LCA5: variants seen among roughly 807,000 people sequenced by gnomAD.
LCA5 encodes lebercilin LCA5.
LCA5 carries 37 observed loss-of-function variants against 53.0 expected under a neutral mutation model. That is an observed-to-expected ratio of 0.70 (90% confidence interval 0.54 to 0.92). The LOEUF is 0.92. Among genes scored for constraint, LCA5 ranks in the 40% least tolerant of loss-of-function variants. The pLI is 0.00. For missense variants in LCA5, 806 were observed against 790.5 expected (o/e 1.02, Z -0.23); for synonymous variants, 303 against 282.9 (o/e 1.07, Z -0.71).
chr6:79,489,303 T>G lies in LCA5; in HGVS notation c.1099-87A>C, dbSNP rs138440067. Reference sequence around the variant, plus strand: ...CACAGATTTATCCATTAAACATGATTACCAACTAAGTTAAAAATTAATACA... The same window carrying G: ...CACAGATTTATCCATTAAACATGATGACCAACTAAGTTAAAAATTAATACA... On this transcript the variant is annotated intron_variant, in intron 6 of 7. Coordinates refer to ENST00000369846, the MANE Select transcript of LCA5 (RefSeq NM_001122769.3). 5,315 of 1,313,322 alleles carry G rather than the reference T, an allele frequency of 4.0e-3. 313 individuals carry two copies. The Admixed American group carries it at 0.093, about 23-fold the overall frequency. 81.4% of individuals were successfully genotyped at this position (1,313,322 alleles called of 1,614,324 possible). A position where few individuals can be genotyped will look rare whatever the true frequency, so the allele number is the denominator to read the frequency against.
At chr6:79,532,805 A>G (rs1308851947) in intron 1 of LCA5, among the ~76,000 whole-genome samples, 1 of 152,162 alleles carries the variant, frequency 6.6e-6, no homozygotes, top group African/African-American at 2.4e-5. Flanking sequence ...ATCCTAGTAA[A>G]TATAAGACCC....
chr6:79,524,023 T>C (rs1345508470), intron 1 of LCA5, among the ~76,000 whole-genome samples: 1 of 152,220 alleles, frequency 6.6e-6, no homozygotes, highest in Non-Finnish European at 1.5e-5. Context: ...TGCATGGTTT[T>C]TCTCTTAGAA....
chr6:79,506,145 G>A (rs769178327), intron 3 of LCA5, among the ~76,000 whole-genome samples: 58 of 152,258 alleles, frequency 3.8e-4, no homozygotes, highest in Middle Eastern at 3.4e-3. Context: ...ATACTGAGCT[G>A]TATGATGATA....
intron 3 of LCA5, among the ~76,000 whole-genome samples, chr6:79,505,111 T>C (rs1219569886): frequency 6.6e-6 from 1 of 152,190 alleles, no homozygotes; most frequent in Non-Finnish European, 1.5e-5. Flanking sequence ...GTTTTAGTGC[T>C]TGTATTACTT....
intron 3 of LCA5, among the ~76,000 whole-genome samples, chr6:79,506,594 T>C (rs548984886): frequency 3.9e-5 from 6 of 152,224 alleles, no homozygotes; most frequent in African/African-American, 1.2e-4. Context: ...AATGGTGCAG[T>C]CTTGCAGTCA....
intron 3 of LCA5, among the ~76,000 whole-genome samples, chr6:79,501,266 C>A (rs898041098): frequency 1.3e-5 from 2 of 152,038 alleles, no homozygotes; most frequent in African/African-American, 4.8e-5. Flanking sequence ...TTCGTTGGGC[C>A]TCCTATTTTT....
At chr6:79,511,253 C>G (rs1334811244) in intron 3 of LCA5, among the ~76,000 whole-genome samples, 8 of 152,114 alleles carry the variant, frequency 5.3e-5, no homozygotes, top group Non-Finnish European at 7.4e-5. Context: ...TGTCCTTCAA[C>G]AGATGTACCA....
At position 79,487,077 on chromosome 6, in the gene LCA5, T is replaced by G. The variant is rs1769680701; in HGVS notation, c.2021A>C (p.His674Pro). ...SFNPNRHRLK[H>P]ADDKPAVKAA... Reference sequence around the variant, plus strand: ...TTTTACTGCTGGTTTATCGTCTGCATGTTTTAATCGGTGCCTATTTGGATT... The same window carrying G: ...TTTTACTGCTGGTTTATCGTCTGCAGGTTTTAATCGGTGCCTATTTGGATT... The change falls in exon 8 of 8, where the codon CAT becomes CCT. Residue 674 changes from histidine to proline, a missense_variant. By Grantham distance (77) the His-to-Pro change is moderately conservative (BLOSUM62 -2). Coordinates refer to ENST00000369846, the MANE Select transcript of LCA5 (RefSeq NM_001122769.3). 6.2e-7 allele frequency: 1 copy of G among 1,613,948 alleles called. No individual in the cohort carries two copies. Among genetic ancestry groups the G allele is most frequent in the African/African-American group, 1.3e-5 (1 of 75,052 alleles).
chr6:79,501,119 G>A (rs1770127000), intron 3 of LCA5, among the ~76,000 whole-genome samples: 1 of 151,846 alleles, frequency 6.6e-6, no homozygotes, highest in African/African-American at 2.4e-5. Context: ...TTTAACCCAG[G>A]GCTCCCCATA....
chr6:79,535,477 T>C (rs897770732), intron 1 of LCA5, among the ~76,000 whole-genome samples: 1 of 152,168 alleles, frequency 6.6e-6, no homozygotes, highest in Non-Finnish European at 1.5e-5. Context: ...TCAAGTAAGA[T>C]AAACTACACT....
At chr6:79,535,619 A>ATT (rs887751965) in intron 1 of LCA5, among the ~76,000 whole-genome samples, 3 of 152,294 alleles carry the variant, frequency 2.0e-5, no homozygotes, top group East Asian at 3.9e-4. Context: ...GATGGGTTCA[A>ATT]TATTGGACAT....
intron 3 of LCA5, among the ~76,000 whole-genome samples, chr6:79,506,431 G>A (rs1770273608): frequency 6.6e-6 from 1 of 151,984 alleles, no homozygotes; most frequent in Admixed American, 6.6e-5. Flanking sequence ...TTTGCTTTAT[G>A]ACACACTGTT....
rs1038250124 is a variant in LCA5 at position 79,486,040 on chromosome 6, G to C, written c.*964C>G. The C allele has an allele frequency of 6.6e-6, 1 of 152,144 alleles. No individual in the cohort carries two copies. Among genetic ancestry groups the C allele is most frequent in the Non-Finnish European group, 1.5e-5 (1 of 68,016 alleles). The allele number at this position is 152,144 out of a possible 1,614,324, so 9.4% of individuals were successfully genotyped here. A position where few individuals can be genotyped will look rare whatever the true frequency, so the allele number is the denominator to read the frequency against. ...TAAAACTAATCCTGTAAGTCCAATAGTATTACACTATTGTTGTCTCCTTGG... is the reference window on the plus strand; with the variant it reads ...TAAAACTAATCCTGTAAGTCCAATACTATTACACTATTGTTGTCTCCTTGG... On this transcript the variant is annotated 3_prime_UTR_variant, in exon 8 of 8. Transcript: ENST00000369846.
At chr6:79,537,496 A>T (rs563056910), upstream of LCA5, 278 of 152,450 alleles carry the variant, frequency 1.8e-3, 2 homozygotes, top group African/African-American at 6.3e-3. Flanking sequence ...TTCTGTCTCC[A>T]GACGGCCCTT....
At position 79,485,581 on chromosome 6, in the gene LCA5, C is replaced by G. The variant is rs1207571165; in HGVS notation, c.*1423G>C. The G allele has an allele frequency of 6.6e-6, 1 of 152,100 alleles. No individual in the cohort carries two copies. The highest frequency in any genetic ancestry group is 1.5e-5 in the Non-Finnish European group (1 of 67,996). 9.4% of individuals were successfully genotyped at this position (152,100 alleles called of 1,614,324 possible). A position where few individuals can be genotyped will look rare whatever the true frequency, so the allele number is the denominator to read the frequency against. The stretch of plus-strand genomic sequence containing the variant: ...TACATCTTTTAATTGGAGACCTAAC[C>G]AGGTAAGTCTTGACAAATAGTCATG... On this transcript the variant is annotated 3_prime_UTR_variant, in exon 8 of 8. Coordinates refer to ENST00000369846, the MANE Select transcript of LCA5 (RefSeq NM_001122769.3).
chr6:79,533,667 C>T (rs1442593296), intron 1 of LCA5, among the ~76,000 whole-genome samples: 2 of 151,160 alleles, frequency 1.3e-5, no homozygotes, highest in Non-Finnish European at 3.0e-5. Context: ...TAAAGATCCT[C>T]GAGTGCCAGA....
intron 2 of LCA5, among the ~76,000 whole-genome samples, chr6:79,516,994 G>T (rs1766457628): frequency 1.3e-5 from 2 of 152,008 alleles, no homozygotes; most frequent in African/African-American, 4.8e-5. Flanking sequence ...AAAAAGTAAA[G>T]TATGCTGAAA....
At chr6:79,494,677 C>T (rs1287015810) in intron 3 of LCA5, among the ~76,000 whole-genome samples, 4 of 151,994 alleles carry the variant, frequency 2.6e-5, no homozygotes, top group East Asian at 1.9e-4. Context: ...ACCATAAATA[C>T]CTAAGTCAAT....
chr6:79,514,857 T>C (rs537964447), intron 2 of LCA5, among the ~76,000 whole-genome samples: 8 of 152,132 alleles, frequency 5.3e-5, no homozygotes, highest in African/African-American at 1.9e-4. Context: ...CTGGGGCCTA[T>C]TGGAGGGTGC....
Sources: gnomAD v4.1 joint callset for allele counts (sites outside exome capture counted in the v4.1 genomes callset) on GRCh38, gnomAD v4.1.1 for gene constraint, MANE v1.5 for transcripts, NCBI Gene and HGNC (gene_info 2026-07-23, HGNC 2026-07-21) for gene names.